Variants in ACSL1 observed in about 807,000 individuals in gnomAD.
ACSL1 encodes long-chain-fatty-acid--CoA ligase 1.
A neutral mutation model predicts 98.4 loss-of-function variants in ACSL1; 41 were observed. The observed-to-expected ratio is 0.42, with a 90% confidence interval of 0.32 to 0.54. The LOEUF (loss-of-function observed/expected upper bound fraction) is 0.54. ACSL1 is among the 20% of genes least tolerant of loss of function. The pLI, the probability that ACSL1 is intolerant of heterozygous loss-of-function variation, is 0.13. For synonymous variants in ACSL1, 316 were observed against 322.7 expected (o/e 0.98, Z 0.22); for missense variants, 734 against 883.1 (o/e 0.83, Z 2.14).
chr4:184,764,766 A>G, intron 15 of ACSL1, 87 bp downstream of exon 15: 1 of 1,183,126 alleles, frequency 8.5e-7, no homozygotes, highest in Non-Finnish European at 1.2e-6. Flanking sequence ...TGGTTAATGA[A>G]CCAGTCAGTG....
intron 4 of ACSL1, 67 bp from the exon 5 acceptor site, chr4:184,780,500 C>T (rs952933387): frequency 3.4e-5 from 41 of 1,205,116 alleles, no homozygotes; most frequent in African/African-American, 2.2e-4. Context: ...GCTGACCAGA[C>T]GGCAGGCTTG....
Position 184,803,970 on chromosome 4 carries a change from G to T in ACSL1, c.-32-424C>A, listed in dbSNP as rs975252621. ...TAATGGGAATATGAGTGAAGGGGAA[G>T]TACAAGCCCAAACCACCTAAGGGCC... On this transcript the variant is annotated intron_variant, in intron 1 of 20. Coordinates refer to ENST00000281455, the MANE Select transcript of ACSL1 (RefSeq NM_001995.5). The surrounding 1 kb of genome is among the most constrained non-coding windows in gnomAD (Gnocchi z 4.8). Among the ~76,000 whole-genome samples, 2 of 152,208 alleles carry T rather than the reference G, an allele frequency of 1.3e-5. No homozygotes were observed. Among genetic ancestry groups the T allele is most frequent in the East Asian group, 3.9e-4 (2 of 5,194 alleles).
chr4:184,782,591 C>G lies in ACSL1; in HGVS notation c.375+1336G>C, dbSNP rs183242911. ...ACACAACACACACATGTTCAACACA[C>G]ACAGGCTGTTCTTACACTTGTGAAA... is the stretch of plus-strand genomic sequence containing the variant. On this transcript the variant is annotated intron_variant, in intron 4 of 20. Transcript: ENST00000281455. Among the ~76,000 whole-genome samples, 24 of 152,316 alleles carry G rather than the reference C, an allele frequency of 1.6e-4. No individual in the cohort carries two copies. The East Asian group carries it at 3.1e-3, about 20-fold the overall frequency.
At chr4:184,806,580 C>T (rs1424124665) in intron 1 of ACSL1, among the ~76,000 whole-genome samples, 1 of 152,132 alleles carries the variant, frequency 6.6e-6, no homozygotes, top group Non-Finnish European at 1.5e-5. Flanking sequence ...TAAACAAATA[C>T]AGTCAGACAC....
At chr4:184,814,930 C>A (rs1772485915) in intron 1 of ACSL1, 1 of 429,360 alleles carries the variant, frequency 2.3e-6, no homozygotes, top group Non-Finnish European at 4.7e-6. Flanking sequence ...ACACTCTGAA[C>A]ATTCCAGGGG....
At chr4:184,772,762 C>T (rs892831346) in intron 10 of ACSL1, among the ~76,000 whole-genome samples, 6 of 152,218 alleles carry the variant, frequency 3.9e-5, no homozygotes, top group Admixed American at 1.3e-4. Flanking sequence ...GATAAAAACA[C>T]AAGAGAGTCC....
chr4:184,813,146 C>T (rs1006146385), intron 1 of ACSL1, among the ~76,000 whole-genome samples: 4 of 152,138 alleles, frequency 2.6e-5, no homozygotes, highest in East Asian at 1.9e-4. Context: ...TTAGGACATG[C>T]CCCATGACGA....
intron 11 of ACSL1, among the ~76,000 whole-genome samples, chr4:184,768,703 A>T (rs867350099): frequency 2.0e-5 from 3 of 152,202 alleles, no homozygotes; most frequent in Non-Finnish European, 2.9e-5. Context: ...TTTAGTGATG[A>T]CCACAGAGGT....
intron 5 of ACSL1, among the ~76,000 whole-genome samples, chr4:184,779,175 G>GT (rs1468205150): frequency 6.6e-6 from 1 of 152,144 alleles, no homozygotes; most frequent in Non-Finnish European, 1.5e-5. Context: ...AACTTGAATT[G>GT]TATCTCCCAG....
intron 1 of ACSL1, among the ~76,000 whole-genome samples, chr4:184,815,946 C>A (rs1772590355): frequency 6.6e-6 from 1 of 152,026 alleles, no homozygotes; most frequent in Non-Finnish European, 1.5e-5. Context: ...CATGGCGAAA[C>A]TCCATCTCTA....
Position 184,757,531 on chromosome 4 carries a change from G to T in ACSL1, c.1956+104C>A. The stretch of plus-strand genomic sequence containing the variant: ...AACTACTCCATTATTTATTCCTCAT[G>T]TATGTCTTTAGGTCACCCCATATGT... On this transcript the variant is annotated intron_variant, in intron 20 of 20. Transcript: ENST00000281455. The surrounding 1 kb of genome is among the most constrained non-coding windows in gnomAD (Gnocchi z 4.5). 1.8e-6 allele frequency: 2 copies of T among 1,103,144 alleles called. No homozygotes were observed. Among genetic ancestry groups the T allele is most frequent in the Non-Finnish European group, 2.6e-6 (2 of 759,572 alleles). 68.3% of individuals were successfully genotyped at this position (1,103,144 alleles called of 1,614,324 possible).
Position 184,780,408 on chromosome 4 carries a change from C to T in ACSL1, c.401G>A (p.Gly134Asp). 6.2e-7 allele frequency: 1 copy of T among 1,613,090 alleles called. No homozygotes were observed. ...KQVAELSECI[G>D]SALIQKGFKT... ...GAAGCCCTTCTGGATCAGTGCTGAGCCTATGCACTCCGACAATTCTGCAAC... is the reference window on the plus strand; with the variant it reads ...GAAGCCCTTCTGGATCAGTGCTGAGTCTATGCACTCCGACAATTCTGCAAC... The change falls in exon 5 of 21, where the codon GGC becomes GAC. Residue 134 changes from glycine (G) to aspartate (D), a missense_variant. Coordinates refer to ENST00000281455, the MANE Select transcript of ACSL1 (RefSeq NM_001995.5).
intron 7 of ACSL1, among the ~76,000 whole-genome samples, chr4:184,775,921 A>G (rs1765217334): frequency 6.6e-6 from 1 of 152,168 alleles, no homozygotes; most frequent in South Asian, 2.1e-4. Context: ...ATCATCTGAC[A>G]TCAAGCACCC....
At chr4:184,802,908 T>C (rs1033137006) in intron 2 of ACSL1, among the ~76,000 whole-genome samples, 2 of 152,242 alleles carry the variant, frequency 1.3e-5, no homozygotes, top group African/African-American at 4.8e-5. Flanking sequence ...GGATATGTTC[T>C]AAGCGTCAGA....
intron 12 of ACSL1, among the ~76,000 whole-genome samples, chr4:184,767,036 C>G (rs1184691953): frequency 6.6e-6 from 1 of 152,160 alleles, no homozygotes; most frequent in East Asian, 1.9e-4. Flanking sequence ...ATTCCCAGCA[C>G]TTTGGGAGGC....
intron 2 of ACSL1, among the ~76,000 whole-genome samples, chr4:184,797,724 A>G (rs1418607382): frequency 1.3e-5 from 2 of 152,198 alleles, no homozygotes; most frequent in Admixed American, 6.5e-5. Context: ...CTCTAGTCTC[A>G]AGATGGCTCT....
chr4:184,774,267 T>C (rs978963571), intron 7 of ACSL1, among the ~76,000 whole-genome samples: 30 of 152,302 alleles, frequency 2.0e-4, no homozygotes, highest in African/African-American at 7.0e-4. Flanking sequence ...AGATACTTCG[T>C]AGGTTCCTCA....
chr4:184,793,438 G>T (rs969975211), intron 2 of ACSL1, among the ~76,000 whole-genome samples: 1 of 152,196 alleles, frequency 6.6e-6, no homozygotes, highest in East Asian at 1.9e-4. Flanking sequence ...ACAGGAACGC[G>T]ATGGCCAGTT....
rs1762181009 is a variant in ACSL1, at chr4:184,756,914, A to G, written c.*211T>C. The G allele has an allele frequency of 3.9e-6, 2 of 508,222 alleles. No homozygotes were observed. Among genetic ancestry groups the G allele is most frequent in the Admixed American group, 6.8e-5 (2 of 29,500 alleles). 31.5% of individuals were successfully genotyped at this position (508,222 alleles called of 1,614,324 possible). Reference sequence around the variant, plus strand: ...TTAAGGCTCATTTTGGAAAGTGTGTATTACCATAAACATGGTCTGCAACAT... The same window carrying G: ...TTAAGGCTCATTTTGGAAAGTGTGTGTTACCATAAACATGGTCTGCAACAT... On this transcript the variant is annotated 3_prime_UTR_variant, in exon 21 of 21. Transcript: ENST00000281455.
Sources: gnomAD v4.1 joint callset for allele counts (sites outside exome capture counted in the v4.1 genomes callset) on GRCh38, gnomAD v4.1.1 for gene constraint, Gnocchi (gnomAD v3.1) non-coding constraint, MANE v1.5 for transcripts, NCBI Gene and HGNC (gene_info 2026-07-23, HGNC 2026-07-21) for gene names.